Variants in GRM1 observed in about 807,000 individuals in gnomAD.
GRM1 encodes the protein glutamate metabotropic receptor 1.
A neutral mutation model predicts 90.9 loss-of-function variants in GRM1; 33 were observed. That is an observed-to-expected ratio of 0.36 (90% CI 0.28 to 0.49). The LOEUF (loss-of-function observed/expected upper bound fraction) is 0.49, where lower values mean the gene tolerates loss of function less well. GRM1 is among the 20% of genes least tolerant of loss of function. GRM1 has a pLI of 0.99. For synonymous variants in GRM1, 700 were observed against 613.2 expected, an observed-to-expected ratio of 1.14 and a Z score of -2.09; for missense variants, 1,190 against 1,534.3, an observed-to-expected ratio of 0.78 and a Z score of 3.75.
At chr6:146,247,993 T>C (rs951741990) in intron 2 of GRM1, among the ~76,000 whole-genome samples, 1 of 151,778 alleles carries the variant, frequency 6.6e-6, no homozygotes, top group African/African-American at 2.4e-5. Flanking sequence ...AGAACCTCTA[T>C]TAGATGTTTC....
intron 1 of GRM1, among the ~76,000 whole-genome samples, chr6:146,140,336 T>C (rs1776826409): frequency 6.6e-6 from 1 of 152,034 alleles, no homozygotes; most frequent in Admixed American, 6.6e-5. Flanking sequence ...GTGCACGATC[T>C]CAGCTCACTG....
At chr6:146,390,280 A>G (rs1349117065) in intron 6 of GRM1, among the ~76,000 whole-genome samples, 2 of 152,022 alleles carry the variant, frequency 1.3e-5, no homozygotes, top group Non-Finnish European at 2.9e-5. Flanking sequence ...TTTTATTTCC[A>G]TTAAAATGTG....
intron 1 of GRM1, among the ~76,000 whole-genome samples, chr6:146,057,132 A>T (rs1775508628): frequency 1.3e-5 from 2 of 152,190 alleles, no homozygotes; most frequent in Admixed American, 1.3e-4. Flanking sequence ...AGCCTAAGTC[A>T]TAAGGGAAGA....
chr6:146,044,705 T>C (rs957938345), intron 1 of GRM1, among the ~76,000 whole-genome samples: 36 of 151,970 alleles, frequency 2.4e-4, no homozygotes, highest in African/African-American at 8.5e-4. Context: ...TGTCAGTACA[T>C]GCTAAAGGAA....
intron 1 of GRM1, among the ~76,000 whole-genome samples, chr6:146,152,188 T>C (rs1777364495): frequency 6.6e-6 from 1 of 152,056 alleles, no homozygotes; most frequent in Non-Finnish European, 1.5e-5. Flanking sequence ...TGAAACAGAG[T>C]GTCATTCTGT....
At chr6:146,296,351 A>G (rs2114901650) in intron 2 of GRM1, among the ~76,000 whole-genome samples, 1 of 152,344 alleles carries the variant, frequency 6.6e-6, no homozygotes. Context: ...ATACATGCAT[A>G]CATTCTGGAA....
intron 1 of GRM1, among the ~76,000 whole-genome samples, chr6:146,111,896 TA>T (rs1775575920): frequency 6.6e-6 from 1 of 152,238 alleles, no homozygotes; most frequent in South Asian, 2.1e-4. Context: ...CTGTTTAACA[TA>T]TTTTTATTCT....
rs577201594 is a variant in GRM1, at chr6:146,095,494, A to G, written c.701-63854A>G. Among the ~76,000 whole-genome samples, 3 of 152,198 alleles carry G rather than the reference A, an allele frequency of 2.0e-5. No individual in the cohort carries two copies. In the South Asian group the frequency reaches 6.2e-4, roughly 32 times the overall value. On this transcript the variant is annotated intron_variant, in intron 1 of 7. Coordinates refer to ENST00000282753, the MANE Select transcript of GRM1 (RefSeq NM_001278064.2). ...TCCTATCTTCCAAAAACTCTGCATGAGTGTTCCATCCTTGCTCTGTGAAGC... is the reference window on the plus strand; with the variant it reads ...TCCTATCTTCCAAAAACTCTGCATGGGTGTTCCATCCTTGCTCTGTGAAGC...
intron 2 of GRM1, among the ~76,000 whole-genome samples, chr6:146,186,134 T>TTTA (rs756347387): frequency 2.0e-3 from 297 of 149,676 alleles, no homozygotes; most frequent in Non-Finnish European, 3.4e-3. Context: ...TTTTTATTTA[T>TTTA]TTATTATTAT....
chr6:146,332,538 C>T (rs1489616389), intron 3 of GRM1, among the ~76,000 whole-genome samples: 6 of 152,188 alleles, frequency 3.9e-5, no homozygotes, highest in Admixed American at 1.3e-4. Flanking sequence ...TACATTTGTG[C>T]CCTGTTTCTC....
At chr6:146,433,364 G>A (rs957226324) in intron 7 of GRM1, among the ~76,000 whole-genome samples, 17 of 152,292 alleles carry the variant, frequency 1.1e-4, no homozygotes, top group African/African-American at 3.6e-4. Flanking sequence ...ATGAGAATGG[G>A]CAACTGAGAG....
intron 1 of GRM1, among the ~76,000 whole-genome samples, chr6:146,090,696 T>C (rs1222802276): frequency 1.3e-5 from 2 of 151,902 alleles, no homozygotes; most frequent in African/African-American, 4.8e-5. Flanking sequence ...CCCTCAACAG[T>C]TAAAAATCAG....
intron 1 of GRM1, among the ~76,000 whole-genome samples, chr6:146,050,058 A>T (rs1365844935): frequency 1.3e-5 from 2 of 151,922 alleles, no homozygotes; most frequent in African/African-American, 4.8e-5. Flanking sequence ...TGAGCTAGAT[A>T]TTGTCAGCAT....
At chr6:146,090,464 T>C (rs564312407) in intron 1 of GRM1, among the ~76,000 whole-genome samples, 2 of 152,220 alleles carry the variant, frequency 1.3e-5, no homozygotes, top group African/African-American at 4.8e-5. Context: ...AGAAATACAA[T>C]AAAATCAGCT....
At chr6:146,241,428 G>T (rs1780857128) in intron 2 of GRM1, among the ~76,000 whole-genome samples, 1 of 152,042 alleles carries the variant, frequency 6.6e-6, no homozygotes, top group African/African-American at 2.4e-5. Flanking sequence ...GAATAATATT[G>T]AATTGAAGAT....
intron 1 of GRM1, among the ~76,000 whole-genome samples, chr6:146,110,752 T>C (rs1775526699): frequency 6.6e-6 from 1 of 152,210 alleles, no homozygotes; most frequent in Admixed American, 6.5e-5. Context: ...CTGTTTTGTA[T>C]GGTTATTTAA....
At chr6:146,063,829 T>C (rs1194190076) in intron 1 of GRM1, among the ~76,000 whole-genome samples, 1 of 152,108 alleles carries the variant, frequency 6.6e-6, no homozygotes, top group Non-Finnish European at 1.5e-5. Context: ...TCATTGCAAA[T>C]CCTGTATTAA....
chr6:146,116,620 A>C (rs1775758656), intron 1 of GRM1, among the ~76,000 whole-genome samples: 1 of 152,152 alleles, frequency 6.6e-6, no homozygotes, highest in Non-Finnish European at 1.5e-5. Flanking sequence ...TCAGTTTCAC[A>C]TGCTTTTATA....
chr6:146,287,348 T>C (rs568965453), intron 2 of GRM1, among the ~76,000 whole-genome samples: 1 of 152,302 alleles, frequency 6.6e-6, no homozygotes, highest in African/African-American at 2.4e-5. Flanking sequence ...ACTTTCCTTT[T>C]TCGTATTGCA....
Sources: gnomAD v4.1 joint callset for allele counts (sites outside exome capture counted in the v4.1 genomes callset) on GRCh38, gnomAD v4.1.1 for gene constraint, MANE v1.5 for transcripts, NCBI Gene and HGNC (gene_info 2026-07-23, HGNC 2026-07-21) for gene names.